Variants in ELF2 observed in about 807,000 individuals in gnomAD.
ELF2 encodes E74 like ETS transcription factor 2.
ELF2 carries 11 observed loss-of-function variants against 54.8 expected under a neutral mutation model. The observed-to-expected ratio is 0.20, with a 90% CI of 0.13 to 0.33. The LOEUF is 0.33. Ranked by LOEUF, ELF2 falls within the 10% of genes least tolerant of loss-of-function variation. The pLI is 1.00. For missense variants in ELF2, 513 were observed against 703.0 expected, an observed-to-expected ratio of 0.73 and a Z score of 3.06; for synonymous variants, 203 against 245.1, an observed-to-expected ratio of 0.83 and a Z score of 1.61.
At chr4:139,155,968 G>C (rs1740484076) in intron 1 of ELF2, among the ~76,000 whole-genome samples, 1 of 150,952 alleles carries the variant, frequency 6.6e-6, no homozygotes, top group African/African-American at 2.5e-5. Flanking sequence ...TCTTTAATCT[G>C]GAAGAGAACT....
chr4:139,137,482 A>G, intron 3 of ELF2, 148 bp downstream of exon 3: 1 of 775,736 alleles, frequency 1.3e-6, no homozygotes, highest in Non-Finnish European at 2.1e-6. Flanking sequence ...TCTATTACCT[A>G]AATTATATAA....
chr4:139,147,647 TG>T (rs953013976), intron 1 of ELF2, among the ~76,000 whole-genome samples: 50 of 151,852 alleles, frequency 3.3e-4, no homozygotes, highest in Non-Finnish European at 6.9e-4. Flanking sequence ...AATTTTTTTT[TG>T]TATTTTTAGT....
At chr4:139,175,297 G>A (rs1319311574) in intron 1 of ELF2, among the ~76,000 whole-genome samples, 2 of 152,166 alleles carry the variant, frequency 1.3e-5, no homozygotes, top group African/African-American at 2.4e-5. Flanking sequence ...TTGTAAATGA[G>A]TATTTATGTC....
intron 4 of ELF2, among the ~76,000 whole-genome samples, chr4:139,098,319 T>C (rs1450424901): frequency 4.6e-5 from 7 of 152,184 alleles, no homozygotes; most frequent in Non-Finnish European, 8.8e-5. Context: ...TGTAAGTTTA[T>C]GATGATTTTG....
At chr4:139,063,323 G>A (rs1018329229) in intron 7 of ELF2, among the ~76,000 whole-genome samples, 6 of 152,020 alleles carry the variant, frequency 3.9e-5, no homozygotes, top group African/African-American at 1.2e-4. Flanking sequence ...TTTTCTAATC[G>A]CTTTCTACTG....
chr4:139,090,070 C>T (rs1216172453), intron 4 of ELF2, among the ~76,000 whole-genome samples: 2 of 152,212 alleles, frequency 1.3e-5, no homozygotes, highest in African/African-American at 4.8e-5. Flanking sequence ...GCTAGGACTA[C>T]AGTCATATTC....
intron 4 of ELF2, among the ~76,000 whole-genome samples, chr4:139,081,418 G>C (rs1731098101): frequency 6.6e-6 from 1 of 152,118 alleles, no homozygotes; most frequent in South Asian, 2.1e-4. Context: ...TACTTGCTTA[G>C]AAACATGTTA....
chr4:139,170,164 A>G (rs766801658), intron 1 of ELF2, among the ~76,000 whole-genome samples: 1 of 152,124 alleles, frequency 6.6e-6, no homozygotes, highest in African/African-American at 2.4e-5. Context: ...GAGTTCTTAC[A>G]TAAGACAACA....
chr4:139,151,559 C>T (rs957496280), intron 1 of ELF2, among the ~76,000 whole-genome samples: 6 of 152,124 alleles, frequency 3.9e-5, no homozygotes, highest in Admixed American at 1.3e-4. Context: ...CTAGTTCTCA[C>T]GCAGAATGAT....
At chr4:139,097,228 A>G (rs1464550303) in intron 4 of ELF2, among the ~76,000 whole-genome samples, 1 of 152,128 alleles carries the variant, frequency 6.6e-6, no homozygotes, top group East Asian at 1.9e-4. Context: ...CAGTGGCACA[A>G]TCATGGCTCA....
chr4:139,125,052 T>C (rs1299390509), intron 4 of ELF2, 112 bp downstream of exon 4: 9 of 1,322,324 alleles, frequency 6.8e-6, no homozygotes, highest in Non-Finnish European at 7.2e-6. Flanking sequence ...TTCCAAGCTA[T>C]ACTAAATAGC....
At chr4:139,074,359 G>A (rs542553887) in intron 4 of ELF2, among the ~76,000 whole-genome samples, 3 of 152,242 alleles carry the variant, frequency 2.0e-5, no homozygotes, top group East Asian at 1.9e-4. Context: ...ACCATGCTGC[G>A]CTAATTTAAT....
At chr4:139,140,671 T>C (rs1738616238) in intron 1 of ELF2, among the ~76,000 whole-genome samples, 1 of 151,922 alleles carries the variant, frequency 6.6e-6, no homozygotes, top group Admixed American at 6.6e-5. Flanking sequence ...GGAGGACCGC[T>C]TGAGCCCAGG....
chr4:139,137,887 G>A lies in ELF2; in HGVS notation c.-166-20C>T. The A allele has an allele frequency of 7.8e-7, 1 of 1,289,992 alleles. No homozygotes were observed. Among genetic ancestry groups the A allele is most frequent in the Non-Finnish European group, 9.8e-7 (1 of 1,016,146 alleles). 79.9% of individuals were successfully genotyped at this position (1,289,992 alleles called of 1,614,324 possible). A position where few individuals can be genotyped will look rare whatever the true frequency, so the allele number is the denominator to read the frequency against. ...GAAAGCCTAAAAAGAGGAAGAATTTGAAAAGTTATTTTAAAAATTACAGGA... is the reference window on the plus strand; with the variant it reads ...GAAAGCCTAAAAAGAGGAAGAATTTAAAAAGTTATTTTAAAAATTACAGGA... On this transcript the variant is annotated intron_variant, in intron 2 of 9. Transcript: ENST00000686138.
intron 1 of ELF2, among the ~76,000 whole-genome samples, chr4:139,153,533 T>G (rs1740227409): frequency 1.3e-5 from 2 of 152,140 alleles, no homozygotes; most frequent in Admixed American, 6.6e-5. Flanking sequence ...GCTTAGAAAC[T>G]GAGTCACGCA....
intron 1 of ELF2, among the ~76,000 whole-genome samples, chr4:139,175,807 C>T (rs1560901116): frequency 6.6e-6 from 1 of 152,198 alleles, no homozygotes; most frequent in Non-Finnish European, 1.5e-5. Flanking sequence ...AACAGTTTTA[C>T]AATGACGTGT....
intron 1 of ELF2, among the ~76,000 whole-genome samples, chr4:139,151,015 CTCCATCTCAA>C (rs571061067): frequency 2.1e-5 from 2 of 93,358 alleles, no homozygotes; most frequent in African/African-American, 1.2e-4. Context: ...CGGAACGAGG[CTCCATCTCAA>C]AAAAAAAAAA....
intron 1 of ELF2, among the ~76,000 whole-genome samples, chr4:139,157,050 A>G (rs1740619924): frequency 6.6e-6 from 1 of 152,174 alleles, no homozygotes; most frequent in Non-Finnish European, 1.5e-5. Flanking sequence ...GGACATAAGG[A>G]TTTTGTCATT....
At chr4:139,095,647 CTTT>C (rs980834114) in intron 4 of ELF2, among the ~76,000 whole-genome samples, 1 of 152,098 alleles carries the variant, frequency 6.6e-6, no homozygotes, top group African/African-American at 2.4e-5. Flanking sequence ...CAATAATTAA[CTTT>C]TTAATATATA....
Sources: gnomAD v4.1 joint callset for allele counts (sites outside exome capture counted in the v4.1 genomes callset) on GRCh38, gnomAD v4.1.1 for gene constraint, MANE v1.5 for transcripts, NCBI Gene and HGNC (gene_info 2026-07-23, HGNC 2026-07-21) for gene names.